The following EXD3 variants were observed in gnomAD, a reference collection of about 807,000 sequenced individuals.
EXD3 encodes exonuclease mut-7 homolog.
In EXD3, 92 loss-of-function variants were observed where a neutral mutation model predicts 98.0. That is an observed-to-expected ratio of 0.94 (90% CI 0.79 to 1.12). The LOEUF is 1.12. Among genes scored for constraint, EXD3 ranks in the 50% most tolerant of loss-of-function variants. EXD3 has a pLI of 0.00. For synonymous variants in EXD3, 569 were observed against 526.0 expected, an observed-to-expected ratio of 1.08 and a Z score of -1.12; for missense variants, 1,222 against 1,191.6, an observed-to-expected ratio of 1.03 and a Z score of -0.38.
At chr9:137,422,005 A>T (rs1564229326) in intron 1 of EXD3, among the ~76,000 whole-genome samples, 1 of 152,048 alleles carries the variant, frequency 6.6e-6, no homozygotes, top group Admixed American at 6.5e-5. Context: ...GTTTCTAAAA[A>T]CTAGAGATGA....
rs772283137 is a variant in EXD3 at position 137,317,587 on chromosome 9, G to C, written c.2184+6138C>G. ...CACAGCTTTTCTGGAAGGCTGCTAGGAAAGGGGGGATGAGGGGGCAGTGGG... is the reference window on the plus strand; with the variant it reads ...CACAGCTTTTCTGGAAGGCTGCTAGCAAAGGGGGGATGAGGGGGCAGTGGG... On this transcript the variant is annotated intron_variant, in intron 19 of 21. Transcript: ENST00000340951. 7.2e-5 allele frequency among the ~76,000 whole-genome samples: 11 copies of C among 152,186 alleles called. 1 individual carries two copies. The highest frequency in any genetic ancestry group is 2.0e-4 in the Admixed American group (3 of 15,294).
intron 17 of EXD3, among the ~76,000 whole-genome samples, chr9:137,327,523 G>C (rs962841720): frequency 2.6e-4 from 39 of 152,118 alleles, no homozygotes; most frequent in African/African-American, 9.2e-4. Flanking sequence ...CCACTGAATT[G>C]TACACTTAAA....
chr9:137,319,485 C>T (rs1235163387), intron 19 of EXD3, among the ~76,000 whole-genome samples: 1 of 152,198 alleles, frequency 6.6e-6, no homozygotes, highest in Non-Finnish European at 1.5e-5. Flanking sequence ...TCCCAGGGTT[C>T]AGCTGGGAGC....
At position 137,393,181 on chromosome 9, in the gene EXD3, T is replaced by C. The variant is rs1837027370; in HGVS notation, c.55+2122A>G. On this transcript the variant is annotated intron_variant, in intron 2 of 21. Transcript: ENST00000340951. The surrounding 1 kb of genome is among the most constrained non-coding windows in gnomAD (Gnocchi z 4.6). ...CCCTGCTAGCTGGGGTGTTGCACTT[T>C]GAAAACATCCCACTCTGCTTAGGTG... 1.4e-6 allele frequency: 1 copy of C among 702,556 alleles called. No individual in the cohort carries two copies. 43.5% of individuals were successfully genotyped at this position (702,556 alleles called of 1,614,324 possible).
intron 1 of EXD3, among the ~76,000 whole-genome samples, chr9:137,398,086 A>T (rs890954573): frequency 6.6e-6 from 1 of 152,370 alleles, no homozygotes; most frequent in Admixed American, 6.5e-5. Context: ...AATGTGTTTG[A>T]CTCAGTGGCT....
intron 1 of EXD3, among the ~76,000 whole-genome samples, chr9:137,415,394 A>G (rs930587188): frequency 6.6e-6 from 1 of 151,824 alleles, no homozygotes; most frequent in African/African-American, 2.4e-5. Flanking sequence ...GGGTCTCTCC[A>G]TGTTCGCCAG....
chr9:137,357,865 T>G (rs1444970709), intron 7 of EXD3, among the ~76,000 whole-genome samples: 4 of 151,848 alleles, frequency 2.6e-5, no homozygotes, highest in Non-Finnish European at 4.4e-5. Flanking sequence ...CTGAAGAACT[T>G]AGAGTCTGAT....
Position 137,324,326 on chromosome 9 carries a change from C to T in EXD3, c.1999-183G>A, listed in dbSNP as rs1001739811. 6.6e-6 allele frequency among the ~76,000 whole-genome samples: 1 copy of T among 152,034 alleles called. No homozygotes were observed. Among genetic ancestry groups the T allele is most frequent in the Admixed American group, 6.5e-5 (1 of 15,274 alleles). On this transcript the variant is annotated intron_variant, in intron 17 of 21. Transcript: ENST00000340951. This position sits in a 1 kb window ranked among gnomAD's most constrained non-coding sequence, Gnocchi z 4.1. ...GAGCCCTCTGCCGGGTCCTGGGTGT[C>T]GCCTCATTGTATAGATTTAATCTTG...
At chr9:137,343,658 G>A (rs866404779) in intron 17 of EXD3, among the ~76,000 whole-genome samples, 4 of 122,796 alleles carry the variant, frequency 3.3e-5, no homozygotes, top group Non-Finnish European at 6.3e-5. Context: ...GCGTGATCTC[G>A]GCTCACTGCA....
At chr9:137,333,402 C>T (rs1002171610) in intron 17 of EXD3, among the ~76,000 whole-genome samples, 2 of 152,214 alleles carry the variant, frequency 1.3e-5, no homozygotes, top group Non-Finnish European at 2.9e-5. Flanking sequence ...GTATGCACAT[C>T]TATCCTATCA....
At chr9:137,317,610 G>A (rs564992727) in intron 19 of EXD3, among the ~76,000 whole-genome samples, 58 of 152,236 alleles carry the variant, frequency 3.8e-4, no homozygotes, top group African/African-American at 1.3e-3. Flanking sequence ...AGGGGGCAGT[G>A]GGGCCTTCTG....
chr9:137,352,584 C>G (rs886720536), intron 11 of EXD3, 36 bp downstream of exon 11: 8 of 1,505,654 alleles, frequency 5.3e-6, no homozygotes, highest in Non-Finnish European at 6.2e-6. Flanking sequence ...CTGGGCGGAA[C>G]CCACCCCTGG....
At chr9:137,408,921 A>T (rs560112358) in intron 1 of EXD3, among the ~76,000 whole-genome samples, 1 of 152,296 alleles carries the variant, frequency 6.6e-6, no homozygotes, top group Admixed American at 6.5e-5. Flanking sequence ...TGAGCTCAGG[A>T]TGAACTTGTA....
At chr9:137,336,459 G>A (rs1447653945) in intron 17 of EXD3, among the ~76,000 whole-genome samples, 1 of 151,896 alleles carries the variant, frequency 6.6e-6, no homozygotes, top group South Asian at 2.1e-4. Context: ...TCAGGAGATC[G>A]ACACCAGCCT....
chr9:137,351,256 C>T (rs1834285281), intron 13 of EXD3, 62 bp downstream of exon 13: 1 of 1,553,308 alleles, frequency 6.4e-7, no homozygotes, highest in African/African-American at 1.4e-5. Context: ...AGGGAAGGGT[C>T]AGGCAGGGGT....
chr9:137,316,648 C>T (rs573210357), intron 19 of EXD3, among the ~76,000 whole-genome samples: 24 of 152,318 alleles, frequency 1.6e-4, no homozygotes, highest in Middle Eastern at 3.4e-3. Context: ...GACGTCTAAG[C>T]TGGGGCCTGG....
intron 17 of EXD3, among the ~76,000 whole-genome samples, chr9:137,345,417 T>G (rs1417001221): frequency 1.3e-5 from 2 of 152,186 alleles, no homozygotes; most frequent in Non-Finnish European, 2.9e-5. Flanking sequence ...ATCTCAGCAC[T>G]TCGGGAGGCC....
In EXD3 at chr9:137,354,723, G is replaced by T. The variant is rs1199988819; in HGVS notation, c.808C>A (p.Leu270Met). 3.1e-6 allele frequency: 5 copies of T among 1,610,904 alleles called. No homozygotes were observed. Among genetic ancestry groups the T allele is most frequent in the Non-Finnish European group, 4.2e-6 (5 of 1,179,684 alleles). ...IQQRLAALRH[L>M]CHKRFVEKSL... ...ACCTCCACAAACCGCTTGTGGCACAGGTGCCGCAGGGCCGCCAGGCGCTGC... is the reference window on the plus strand; with the variant it reads ...ACCTCCACAAACCGCTTGTGGCACATGTGCCGCAGGGCCGCCAGGCGCTGC... The change falls in exon 9 of 22, where the codon CTG (leucine) becomes ATG (methionine). Residue 270 changes from leucine (L) to methionine (M), a missense_variant. Coordinates refer to ENST00000340951, the MANE Select transcript of EXD3 (RefSeq NM_017820.5).
At chr9:137,328,643 T>C (rs867225285) in intron 17 of EXD3, among the ~76,000 whole-genome samples, 17,339 of 51,078 alleles carry the variant, frequency 0.34, 2,893 homozygotes, top group East Asian at 0.59. Flanking sequence ...TACACGGGGC[T>C]ACACGGGACT....
Sources: allele counts gnomAD v4.1 joint callset (sites outside exome capture counted in the v4.1 genomes callset), GRCh38; gene constraint gnomAD v4.1.1; non-coding constraint Gnocchi (gnomAD v3.1); transcripts MANE v1.5; gene names NCBI Gene and HGNC (gene_info 2026-07-23, HGNC 2026-07-21).